Variants in TANC1 observed in about 807,000 individuals in gnomAD.
The protein encoded by TANC1 is tetratricopeptide repeat, ankyrin repeat and coiled-coil containing 1.
In TANC1, 77 loss-of-function variants were observed where a neutral mutation model predicts 149.7. The ratio of observed to expected loss-of-function variants is 0.51; its 90% CI spans 0.43 to 0.62. The LOEUF (loss-of-function observed/expected upper bound fraction) is 0.62. Among genes scored for constraint, TANC1 ranks in the 20% least tolerant of loss-of-function variants. TANC1 has a pLI of 0.00. For synonymous variants in TANC1, 854 were observed against 925.0 expected, an observed-to-expected ratio of 0.92 and a Z score of 1.39; for missense variants, 1,985 against 2,321.8, an observed-to-expected ratio of 0.85 and a Z score of 2.98.
At chr2:159,093,345 T>A (rs2045741823) in intron 3 of TANC1, among the ~76,000 whole-genome samples, 1 of 152,250 alleles carries the variant, frequency 6.6e-6, no homozygotes, top group Non-Finnish European at 1.5e-5. Context: ...CTTTAATTCC[T>A]CTTAAATGTC....
At chr2:159,212,234 G>A (rs1315608569) in intron 19 of TANC1, among the ~76,000 whole-genome samples, 1 of 152,202 alleles carries the variant, frequency 6.6e-6, no homozygotes, top group Non-Finnish European at 1.5e-5. Context: ...ATCATGCAAA[G>A]GCCCTGCCTC....
intron 2 of TANC1, among the ~76,000 whole-genome samples, chr2:159,022,727 G>T (rs1481582344): frequency 6.6e-6 from 1 of 152,136 alleles, no homozygotes; most frequent in Admixed American, 6.5e-5. Flanking sequence ...AATAGAGCAA[G>T]ACCCTGTTTT....
Position 159,185,776 on chromosome 2 carries a change from T to A in TANC1, c.2511-15T>A. The A allele has an allele frequency of 6.2e-7, 1 of 1,602,366 alleles. No homozygotes were observed. The highest frequency in any genetic ancestry group is 8.5e-7 in the Non-Finnish European group (1 of 1,170,492). On this transcript the variant is annotated splice_polypyrimidine_tract_variant and intron_variant, in intron 14 of 26. Coordinates refer to ENST00000263635, the MANE Select transcript of TANC1 (RefSeq NM_033394.3). Reference sequence around the variant, plus strand: ...TGGGCTCTTCTGCTGTGAGCCTTTGTATTCCTTCCCCTAGGAACGGGCACG... The same window carrying A: ...TGGGCTCTTCTGCTGTGAGCCTTTGAATTCCTTCCCCTAGGAACGGGCACG...
intron 3 of TANC1, among the ~76,000 whole-genome samples, chr2:159,091,602 A>G (rs969066423): frequency 6.6e-6 from 1 of 152,138 alleles, no homozygotes. Flanking sequence ...TGGTTCTATA[A>G]CCATTGAGTA....
In TANC1 at chr2:159,178,988, G is replaced by A. The variant is rs2056169432; in HGVS notation, c.2335G>A (p.Ala779Thr). 1.2e-6 allele frequency: 2 copies of A among 1,614,112 alleles called. No individual in the cohort carries two copies. Among genetic ancestry groups the A allele is most frequent in the Non-Finnish European group, 1.7e-6 (2 of 1,180,030 alleles). The part of the protein sequence containing the change: ...TDEQIFQAIN[A>T]GHIQGEQGWE... ...CGAGCAGATCTTTCAGGCTATTAATGCTGGCCACATCCAGGGGGAGCAGGG... is the reference window on the plus strand; with the variant it reads ...CGAGCAGATCTTTCAGGCTATTAATACTGGCCACATCCAGGGGGAGCAGGG... Residue 779 changes from alanine (A) to threonine (T), a missense_variant, in exon 14 of 27, where the codon GCT (alanine) becomes ACT (threonine). Around this residue, in one of 3 missense-constraint regions of TANC1, gnomAD observed 508 missense variants for 714.2 expected, o/e 0.71. Transcript: ENST00000263635.
chr2:159,224,471 C>A lies in TANC1; in HGVS notation c.3811+107C>A. ...GCTCCCAGGTTAGGAAGTAAGATGT[C>A]AGATGTTTGCAGATCTCTGTCTCAG... On this transcript the variant is annotated intron_variant, in intron 23 of 26. Coordinates refer to ENST00000263635, the MANE Select transcript of TANC1 (RefSeq NM_033394.3). 2.5e-6 allele frequency: 3 copies of A among 1,211,758 alleles called. No individual in the cohort carries two copies. In the South Asian group the frequency reaches 4.1e-5, roughly 17 times the overall value. 75.1% of individuals were successfully genotyped at this position (1,211,758 alleles called of 1,614,324 possible).
intron 4 of TANC1, among the ~76,000 whole-genome samples, chr2:159,125,422 G>C (rs535463046): frequency 6.6e-6 from 1 of 152,276 alleles, no homozygotes; most frequent in African/African-American, 2.4e-5. Context: ...GGCACATCTG[G>C]CTCTCTTCTC....
intron 4 of TANC1, among the ~76,000 whole-genome samples, chr2:159,112,555 C>CTTTTTTTTTTTT (rs34643604): frequency 7.7e-6 from 1 of 130,050 alleles, no homozygotes. Flanking sequence ...TGCACCCAGC[C>CTTTTTTTTTTTT]TTTTTTTTTT....
intron 2 of TANC1, among the ~76,000 whole-genome samples, chr2:159,034,344 C>G (rs1015690631): frequency 3.9e-5 from 6 of 152,200 alleles, no homozygotes; most frequent in Admixed American, 1.3e-4. Context: ...GTTTTTGAGG[C>G]ATAAATATTT....
intron 10 of TANC1, 117 bp downstream of exon 10, chr2:159,170,922 G>A: frequency 8.7e-7 from 1 of 1,151,134 alleles, no homozygotes; most frequent in South Asian, 1.5e-5. Flanking sequence ...TACTATATCA[G>A]GTTTGCCATC....
At chr2:159,113,529 G>T (rs1425740443) in intron 4 of TANC1, among the ~76,000 whole-genome samples, 1 of 152,200 alleles carries the variant, frequency 6.6e-6, no homozygotes, top group Non-Finnish European at 1.5e-5. Context: ...GAATATGTTG[G>T]AAGAATGCTG....
intron 7 of TANC1, among the ~76,000 whole-genome samples, chr2:159,162,590 C>T (rs781187415): frequency 1.3e-5 from 2 of 152,158 alleles, no homozygotes; most frequent in African/African-American, 2.4e-5. Context: ...GTTTTTTGTA[C>T]CTTTTTTCTG....
At chr2:159,166,708 A>G (rs2054628512) in intron 8 of TANC1, among the ~76,000 whole-genome samples, 1 of 152,202 alleles carries the variant, frequency 6.6e-6, no homozygotes, top group South Asian at 2.1e-4. Context: ...GGCCCAAGTT[A>G]CCTGCTCAGA....
intron 7 of TANC1, chr2:159,150,780 A>T: frequency 3.6e-5 from 6 of 166,668 alleles, no homozygotes; most frequent in Admixed American, 7.9e-5. Context: ...CATTTGTTAA[A>T]AAAAAAAAAA....
intron 2 of TANC1, among the ~76,000 whole-genome samples, chr2:159,062,286 A>G (rs561566871): frequency 1.3e-5 from 2 of 152,310 alleles, no homozygotes; most frequent in East Asian, 3.9e-4. Flanking sequence ...ATACACATAT[A>G]GTAAAAAAGA....
chr2:159,009,244 A>G (rs944259691), intron 2 of TANC1, among the ~76,000 whole-genome samples: 3 of 152,314 alleles, frequency 2.0e-5, no homozygotes, highest in Non-Finnish European at 2.9e-5. Context: ...CATATGGTCT[A>G]CCAACCCCAC....
intron 2 of TANC1, among the ~76,000 whole-genome samples, chr2:159,002,545 C>T (rs975152166): frequency 6.6e-6 from 1 of 152,180 alleles, no homozygotes; most frequent in Non-Finnish European, 1.5e-5. Flanking sequence ...TATCTGACTC[C>T]TTCACAGAGA....
chr2:159,219,826 A>G lies in TANC1; in HGVS notation c.3637A>G (p.Thr1213Ala), dbSNP rs1000576730. ...AIDQTDKNGR[T>A]PLDLAAFYGD... ...AGACCAGACAGACAAGAATGGCCGC[A>G]CACCCTTGGACCTGGCTGCCTTCTA... Residue 1213 changes from threonine to alanine, a missense_variant, in exon 22 of 27, where the codon ACA becomes GCA. Thr to Ala is a moderately conservative substitution (Grantham distance 58). Around this residue, in one of 3 missense-constraint regions of TANC1, gnomAD observed 920 missense variants for 994.7 expected, o/e 0.92. Coordinates refer to ENST00000263635, the MANE Select transcript of TANC1 (RefSeq NM_033394.3). 1.4e-5 allele frequency: 23 copies of G among 1,613,680 alleles called. No homozygotes were observed. The highest frequency in any genetic ancestry group is 1.9e-5 in the Non-Finnish European group (22 of 1,180,036).
chr2:159,225,591 C>T (rs2059975596), intron 23 of TANC1, 97 bp from the exon 24 acceptor site: 1 of 897,974 alleles, frequency 1.1e-6, no homozygotes. Context: ...CAGCTGGGCT[C>T]CTGCTGGTGC....
Sources: gnomAD v4.1 joint callset for allele counts (sites outside exome capture counted in the v4.1 genomes callset) on GRCh38, gnomAD v4.1.1 for gene constraint, gnomAD v4.1.1 regional missense constraint, MANE v1.5 for transcripts, NCBI Gene and HGNC (gene_info 2026-07-23, HGNC 2026-07-21) for gene names.